NLRP13: variants seen among roughly 807,000 people sequenced by gnomAD.
The protein encoded by NLRP13 is NACHT, LRR and PYD domains-containing protein 13.
NLRP13 carries 82 observed loss-of-function variants against 94.4 expected under a neutral mutation model. The observed-to-expected ratio is 0.87, with a 90% CI of 0.73 to 1.04. The LOEUF (loss-of-function observed/expected upper bound fraction) is 1.04. NLRP13 is among the 50% of genes least tolerant of loss of function. The probability of loss-of-function intolerance (pLI) is 0.00; values close to 1 mark genes in which losing one functional copy is unlikely to be tolerated. For missense variants in NLRP13, 1,426 were observed against 1,230.8 expected, an observed-to-expected ratio of 1.16 and a Z score of -2.37; for synonymous variants, 553 against 464.7, an observed-to-expected ratio of 1.19 and a Z score of -2.45.
chr19:55,924,004 T>C (rs1191973304), intron 3 of NLRP13, 25 bp from the exon 4 acceptor site: 2 of 1,590,652 alleles, frequency 1.3e-6, no homozygotes. Context: ...GATGATGAGA[T>C]ATGAAAATAC....
At chr19:55,929,142 T>C (rs138416811) in intron 1 of NLRP13, among the ~76,000 whole-genome samples, 8,790 of 152,216 alleles carry the variant, frequency 0.058, 298 homozygotes, top group Middle Eastern at 0.095. Flanking sequence ...CTGGAGAGGA[T>C]GTGGAGAAAT....
rs1986560612 is a variant in NLRP13 at position 55,912,744 on chromosome 19, G to A, written c.1073C>T (p.Thr358Ile). The change falls in exon 5 of 11, where the codon ACC (threonine) becomes ATC (isoleucine). Residue 358 changes from threonine (T) to isoleucine (I), a missense_variant. Physicochemically the swap from Thr to Ile is moderately conservative, Grantham distance 89. Coordinates refer to ENST00000342929, the MANE Select transcript of NLRP13 (RefSeq NM_176810.2). Reference protein sequence around the residue: ...LLKKELVPLATLLITIKTWFV... With the variant: ...LLKKELVPLAILLITIKTWFV... ...CCAGGTCTTGATCGTGATCAGTAAG[G>A]TAGCCAGGGGAACCAATTCTTTCTT... 6.2e-7 allele frequency: 1 copy of A among 1,614,062 alleles called. No individual in the cohort carries two copies. The highest frequency in any genetic ancestry group is 1.3e-5 in the African/African-American group (1 of 74,918).
At chr19:55,907,729 A>C in intron 7 of NLRP13, 63 bp downstream of exon 7, 8 of 1,511,554 alleles carry the variant, frequency 5.3e-6, no homozygotes, top group African/African-American at 1.4e-5. Flanking sequence ...CTCCCAGTGG[A>C]TCGTGGAAGC....
At chr19:55,922,000 G>C (rs1188413368) in intron 4 of NLRP13, among the ~76,000 whole-genome samples, 1 of 152,200 alleles carries the variant, frequency 6.6e-6, no homozygotes, top group Non-Finnish European at 1.5e-5. Context: ...TGGACTCACA[G>C]TTCCACATGG....
chr19:55,900,553 C>T (rs1350858000), intron 9 of NLRP13, among the ~76,000 whole-genome samples: 1 of 151,170 alleles, frequency 6.6e-6, no homozygotes, highest in Non-Finnish European at 1.5e-5. Flanking sequence ...GGGTGGATCA[C>T]GAGGTCAGGA....
chr19:55,906,958 G>C (rs1214872676), intron 7 of NLRP13, among the ~76,000 whole-genome samples: 1 of 66,586 alleles, frequency 1.5e-5, no homozygotes, highest in Non-Finnish European at 2.9e-5. Flanking sequence ...CCTGGGATCT[G>C]TATTATTATT....
Position 55,905,036 on chromosome 19 carries a change from G to T in NLRP13, c.2524C>A (p.Arg842=). The T allele has an allele frequency of 1.9e-6, 3 of 1,613,704 alleles. No homozygotes were observed. The highest frequency in any genetic ancestry group is 2.2e-5 in the East Asian group (1 of 44,842). ...AGCCGATTAAATCCCAGGCACAATC[G>T]AGTTACGTGTTGGATGCTGGTGAGA... ...LFLTSIQHVT[R]LCLGFNRLQD... Residue 842 remains arginine, a synonymous_variant, in exon 8 of 11, where the codon CGA becomes AGA. Coordinates refer to ENST00000342929, the MANE Select transcript of NLRP13 (RefSeq NM_176810.2).
chr19:55,927,795 G>A (rs984439747), intron 1 of NLRP13, among the ~76,000 whole-genome samples: 1 of 152,168 alleles, frequency 6.6e-6, no homozygotes, highest in Admixed American at 6.5e-5. Context: ...AAGAATTGTG[G>A]CCCCGTGGTA....
chr19:55,928,901 C>T (rs763632994), intron 1 of NLRP13, among the ~76,000 whole-genome samples: 1 of 151,968 alleles, frequency 6.6e-6, no homozygotes, highest in Non-Finnish European at 1.5e-5. Flanking sequence ...TGACAAAGGG[C>T]TAATATCCAG....
Position 55,910,626 on chromosome 19 carries a change from G to T in NLRP13, c.2219C>A (p.Ala740Asp). 6.2e-7 allele frequency: 1 copy of T among 1,613,820 alleles called. No individual in the cohort carries two copies. The highest frequency in any genetic ancestry group is 8.5e-7 in the Non-Finnish European group (1 of 1,179,738). The change falls in exon 6 of 11, where the codon GCT (alanine) becomes GAT (aspartate). Residue 740 changes from alanine to aspartate, a missense_variant. Transcript: ENST00000342929. ...ELDLSNSKLH[A>D]SSVKGLCLAL... is the part of the protein sequence containing the mutation. ...AAGACAGAGACCCTTCACAGAGGAA[G>T]CATGAAGTTTGCTGTTACTCAGGTC...
At chr19:55,893,328 C>T (rs1049090337), downstream of NLRP13, among the ~76,000 whole-genome samples, 6 of 151,922 alleles carry the variant, frequency 3.9e-5, no homozygotes, top group South Asian at 2.1e-4. Context: ...GCGGAGGGTG[C>T]GGTGAGCCGA....
intron 4 of NLRP13, among the ~76,000 whole-genome samples, chr19:55,921,056 T>C (rs1209706189): frequency 6.6e-6 from 1 of 152,154 alleles, no homozygotes; most frequent in African/African-American, 2.4e-5. Flanking sequence ...AAGTTGGAAC[T>C]AAATCATGTG....
Position 55,918,982 on chromosome 19 carries a change from C to A in NLRP13, c.523+4932G>T, listed in dbSNP as rs904783272. ...AGTGCAAAAATCTTCAACAAAATAC[C>A]AGAAAACTGATCCAACAACACATAA... On this transcript the variant is annotated intron_variant, in intron 4 of 10. Coordinates refer to ENST00000342929, the MANE Select transcript of NLRP13 (RefSeq NM_176810.2). Among the ~76,000 whole-genome samples the A allele has an allele frequency of 2.0e-5, 3 of 151,986 alleles. No individual in the cohort carries two copies. The South Asian group carries it at 6.2e-4, about 31-fold the overall frequency.
rs760075129 is a variant in NLRP13, at chr19:55,896,083, C to T, written c.2994G>A (p.Gln998=). The T allele has an allele frequency of 6.2e-7, 1 of 1,614,002 alleles. No individual in the cohort carries two copies. Among genetic ancestry groups the T allele is most frequent in the Non-Finnish European group, 8.5e-7 (1 of 1,180,006 alleles). ...AKCNLTTACC[Q]HLFSVLSSSK... Reference sequence around the variant, plus strand: ...TGCTGCTGAGAACAGAGAAGAGATGCTGGCAGCAAGCAGTTGTCAGATTGC... The same window carrying T: ...TGCTGCTGAGAACAGAGAAGAGATGTTGGCAGCAAGCAGTTGTCAGATTGC... The change falls in exon 11 of 11, where the codon CAG becomes CAA. Residue 998 remains glutamine (Q), a synonymous_variant. Transcript: ENST00000342929.
At chr19:55,930,874 T>TTTTTTATATATATATATA (rs55900335) in intron 1 of NLRP13, among the ~76,000 whole-genome samples, 1 of 70,192 alleles carries the variant, frequency 1.4e-5, no homozygotes, top group Admixed American at 1.6e-4. Context: ...GAATCAGTGA[T>TTTTTTATATATATATATA]TATATATATA....
intron 1 of NLRP13, among the ~76,000 whole-genome samples, chr19:55,925,891 T>C (rs1986955226): frequency 1.3e-5 from 2 of 152,286 alleles, no homozygotes. Context: ...TCCATCATTC[T>C]ACACCCATGT....
At chr19:55,898,973 A>G (rs1443555265) in intron 9 of NLRP13, 36 bp from the exon 10 acceptor site, 3 of 1,596,786 alleles carry the variant, frequency 1.9e-6, no homozygotes, top group Non-Finnish European at 2.6e-6. Flanking sequence ...GGGGAAAGTA[A>G]TTGCGTCCCG....
intron 1 of NLRP13, among the ~76,000 whole-genome samples, chr19:55,931,266 G>C (rs545346763): frequency 2.5e-3 from 373 of 152,200 alleles, no homozygotes; most frequent in African/African-American, 8.8e-3. Context: ...GCTGAGTGCA[G>C]GGTCGGTGGG....
chr19:55,924,543 T>A, intron 3 of NLRP13, 47 bp downstream of exon 3: 4 of 1,314,560 alleles, frequency 3.0e-6, no homozygotes, highest in Non-Finnish European at 4.4e-6. Context: ...ATGAAACGAG[T>A]GTTCCATCAA....
Sources: gnomAD v4.1 joint callset for allele counts (sites outside exome capture counted in the v4.1 genomes callset) on GRCh38, gnomAD v4.1.1 for gene constraint, MANE v1.5 for transcripts, NCBI Gene and HGNC (gene_info 2026-07-23, HGNC 2026-07-21) for gene names.